Variants in NF1 observed in about 807,000 individuals in gnomAD.
NF1 encodes neurofibromin.
Under a neutral mutation model 325.7 loss-of-function variants are expected in NF1, and 122 were observed. That is an observed-to-expected ratio of 0.37 (90% CI 0.32 to 0.44). The LOEUF is 0.44. Ranked by LOEUF, NF1 falls within the 20% of genes least tolerant of loss-of-function variation. NF1 has a pLI of 1.00. For missense variants in NF1, 2,140 were observed against 3,415.4 expected, an observed-to-expected ratio of 0.63 and a Z score of 9.31; for synonymous variants, 1,091 against 1,186.0, an observed-to-expected ratio of 0.92 and a Z score of 1.65.
intron 6 of NF1, 84 bp from the exon 7 acceptor site, chr17:31,181,626 T>A: frequency 7.9e-7 from 1 of 1,273,114 alleles, no homozygotes; most frequent in Non-Finnish European, 1.1e-6. Flanking sequence ...GTAATATTAT[T>A]ATGAAGGAAG....
chr17:31,267,030 C>A (rs1373741729), intron 36 of NF1, among the ~76,000 whole-genome samples: 4 of 151,884 alleles, frequency 2.6e-5, no homozygotes, highest in African/African-American at 9.7e-5. Context: ...CTCCTGGCTT[C>A]AAGTGATTCT....
intron 36 of NF1, among the ~76,000 whole-genome samples, chr17:31,306,928 T>G (rs1391784899): frequency 6.6e-6 from 1 of 151,916 alleles, no homozygotes; most frequent in Non-Finnish European, 1.5e-5. Flanking sequence ...GATGGGAGGA[T>G]CGTTTGAGGC....
intron 36 of NF1, among the ~76,000 whole-genome samples, chr17:31,279,087 A>T (rs2068069606): frequency 6.6e-6 from 1 of 151,432 alleles, no homozygotes; most frequent in East Asian, 1.9e-4. Context: ...AAGTACATTT[A>T]AAAAAAAATT....
intron 14 of NF1, among the ~76,000 whole-genome samples, chr17:31,220,063 G>C (rs950668657): frequency 6.6e-6 from 1 of 152,180 alleles, no homozygotes; most frequent in Non-Finnish European, 1.5e-5. Context: ...GTATATAGGA[G>C]TGGAACTGCT....
chr17:31,108,164 A>T (rs535026606), intron 1 of NF1, among the ~76,000 whole-genome samples: 2 of 151,416 alleles, frequency 1.3e-5, no homozygotes, highest in Non-Finnish European at 2.9e-5. Context: ...CAGGTACAGT[A>T]TATTTTTGGT....
intron 36 of NF1, chr17:31,294,950 A>G: frequency 6.2e-7 from 1 of 1,610,364 alleles, no homozygotes; most frequent in Non-Finnish European, 8.5e-7. Context: ...ATATGGACAT[A>G]TTTTCCCAAC....
chr17:31,208,275 T>A (rs565827610), intron 12 of NF1, among the ~76,000 whole-genome samples: 2 of 152,364 alleles, frequency 1.3e-5, no homozygotes, highest in African/African-American at 4.8e-5. Flanking sequence ...AAATGTTATA[T>A]GTATGTATAT....
intron 1 of NF1, among the ~76,000 whole-genome samples, chr17:31,152,725 C>T (rs938468720): frequency 6.6e-6 from 1 of 151,408 alleles, no homozygotes; most frequent in African/African-American, 2.4e-5. Context: ...TTGTCATTTT[C>T]TTAATTTCTC....
chr17:31,269,173 G>C (rs558750403), intron 36 of NF1, among the ~76,000 whole-genome samples: 24 of 152,166 alleles, frequency 1.6e-4, no homozygotes, highest in African/African-American at 5.5e-4. Flanking sequence ...CTACTTCTAG[G>C]TAATCTTAAC....
At chr17:31,358,449 T>C (rs2151584674) in intron 54 of NF1, 31 bp from the exon 55 acceptor site, 4 of 1,603,334 alleles carry the variant, frequency 2.5e-6, no homozygotes, top group Non-Finnish European at 3.4e-6. Context: ...TCCTCTAAAA[T>C]GTTCCTCTGT....
chr17:31,287,752 G>C (rs187405913), intron 36 of NF1, among the ~76,000 whole-genome samples: 1 of 152,068 alleles, frequency 6.6e-6, no homozygotes, highest in Non-Finnish European at 1.5e-5. Flanking sequence ...GTAGAGACAG[G>C]GTTTGCCGGG....
At chr17:31,223,878 A>G (rs2066969000) in intron 16 of NF1, among the ~76,000 whole-genome samples, 1 of 152,180 alleles carries the variant, frequency 6.6e-6, no homozygotes, top group South Asian at 2.1e-4. Context: ...AGCATATTGT[A>G]TCTTTACTCT....
chr17:31,230,138 A>T, intron 22 of NF1, 122 bp from the exon 23 acceptor site: 2 of 1,418,862 alleles, frequency 1.4e-6, no homozygotes, highest in Non-Finnish European at 2.0e-6. Flanking sequence ...TCTTTTCTAA[A>T]TAAATATCTT....
chr17:31,158,013 G>T (rs1022387196), intron 2 of NF1, among the ~76,000 whole-genome samples: 4 of 151,904 alleles, frequency 2.6e-5, no homozygotes, highest in African/African-American at 9.7e-5. Flanking sequence ...TTCTACAGTA[G>T]TACAGAACAC....
intron 48 of NF1, among the ~76,000 whole-genome samples, chr17:31,348,201 A>G (rs969711958): frequency 1.9e-5 from 2 of 103,484 alleles, no homozygotes; most frequent in African/African-American, 7.9e-5. Flanking sequence ...CAAACTAGGA[A>G]ATGTAGAGAG....
chr17:31,176,743 A>G (rs1348844753), intron 5 of NF1, among the ~76,000 whole-genome samples: 1 of 152,180 alleles, frequency 6.6e-6, no homozygotes, highest in East Asian at 1.9e-4. Context: ...CAGTTTTGCC[A>G]GTACCATTTA....
At chr17:31,254,587 G>C (rs368585972) in intron 31 of NF1, among the ~76,000 whole-genome samples, 1 of 152,008 alleles carries the variant, frequency 6.6e-6, no homozygotes, top group East Asian at 1.9e-4. Flanking sequence ...TAACACTCTT[G>C]TTCAGTGTTA....
At chr17:31,296,779 T>A (rs1260981564) in intron 36 of NF1, 2 of 206,642 alleles carry the variant, frequency 9.7e-6, no homozygotes, top group Non-Finnish European at 2.0e-5. Context: ...AGTAATGTAA[T>A]TCAATGTGTG....
chr17:31,131,139 C>T (rs769926886), intron 1 of NF1, among the ~76,000 whole-genome samples: 6 of 152,314 alleles, frequency 3.9e-5, no homozygotes, highest in Non-Finnish European at 5.9e-5. Context: ...CCTATGGGAG[C>T]AAGTCGAGCC....
Sources: gnomAD v4.1 joint callset for allele counts (sites outside exome capture counted in the v4.1 genomes callset) on GRCh38, gnomAD v4.1.1 for gene constraint, MANE v1.5 for transcripts, NCBI Gene and HGNC (gene_info 2026-07-23, HGNC 2026-07-21) for gene names.